C11orf65: variants seen among roughly 807,000 people sequenced by gnomAD.
C11orf65 encodes the protein protein MFI.
A neutral mutation model predicts 35.3 loss-of-function variants in C11orf65; 38 were observed. That is an observed-to-expected ratio of 1.08 (90% CI 0.83 to 1.41). The LOEUF is 1.41. C11orf65 is among the 40% of genes most tolerant of loss of function. C11orf65 has a pLI of 0.00. For missense variants in C11orf65, 370 were observed against 367.1 expected, an observed-to-expected ratio of 1.01 and a Z score of -0.06; for synonymous variants, 105 against 114.4, an observed-to-expected ratio of 0.92 and a Z score of 0.53.
At chr11:108,405,100 G>A (rs2092516007) in intron 6 of C11orf65, among the ~76,000 whole-genome samples, 2 of 152,180 alleles carry the variant, frequency 1.3e-5, no homozygotes, top group South Asian at 2.1e-4. Flanking sequence ...TTTTACTCGG[G>A]AAGTCCACAA....
chr11:108,383,291 T>G, intron 8 of C11orf65, 116 bp from the exon 9 acceptor site: 1 of 892,312 alleles, frequency 1.1e-6, no homozygotes, highest in Non-Finnish European at 1.6e-6. Context: ...AAAGCAAATA[T>G]CTTCACCTGA....
intron 2 of C11orf65, among the ~76,000 whole-genome samples, chr11:108,445,323 AC>A (rs2093235973): frequency 6.6e-6 from 1 of 152,156 alleles, no homozygotes; most frequent in Non-Finnish European, 1.5e-5. Context: ...TGGGTCCCTG[AC>A]CCCCGAGCAG....
chr11:108,384,579 G>C (rs1402777931), intron 8 of C11orf65, among the ~76,000 whole-genome samples: 1 of 152,040 alleles, frequency 6.6e-6, no homozygotes, highest in Non-Finnish European at 1.5e-5. Context: ...CACGAGTCCA[G>C]CCTGGGCAAC....
chr11:108,420,370 T>A (rs1004794204), intron 3 of C11orf65, among the ~76,000 whole-genome samples: 1 of 151,978 alleles, frequency 6.6e-6, no homozygotes, highest in East Asian at 1.9e-4. Flanking sequence ...AGAAGAAGAG[T>A]TGGAACTGCA....
intron 2 of C11orf65, among the ~76,000 whole-genome samples, chr11:108,433,989 G>A (rs1286951163): frequency 1.3e-5 from 2 of 152,232 alleles, no homozygotes; most frequent in African/African-American, 4.8e-5. Context: ...TTGGTGACAA[G>A]TGGTCTGGGG....
At chr11:108,418,137 C>T (rs190461894) in intron 3 of C11orf65, among the ~76,000 whole-genome samples, 1 of 152,136 alleles carries the variant, frequency 6.6e-6, no homozygotes, top group African/African-American at 2.4e-5. Flanking sequence ...GAAAAATAGA[C>T]AAATCTTCAG....
intron 2 of C11orf65, among the ~76,000 whole-genome samples, chr11:108,337,536 G>A (rs1417946041): frequency 6.6e-6 from 1 of 152,152 alleles, no homozygotes; most frequent in Non-Finnish European, 1.5e-5. Context: ...CAAGATTAGG[G>A]TAGAACCTGT....
intron 2 of C11orf65, among the ~76,000 whole-genome samples, chr11:108,348,566 AAAG>A (rs1484832783): frequency 5.3e-5 from 8 of 151,984 alleles, no homozygotes; most frequent in Non-Finnish European, 1.0e-4. Flanking sequence ...AATATATAAG[AAAG>A]AAGTGTGAAT....
At chr11:108,310,346 A>G in intron 6 of C11orf65, 1 of 1,590,362 alleles carries the variant, frequency 6.3e-7, no homozygotes, top group Non-Finnish European at 8.6e-7. Flanking sequence ...TGGTTTTTAA[A>G]ATTAATGTTG....
At chr11:108,376,184 T>G (rs2091719647) in intron 2 of C11orf65, among the ~76,000 whole-genome samples, 1 of 152,096 alleles carries the variant, frequency 6.6e-6, no homozygotes, top group Admixed American at 6.5e-5. Flanking sequence ...AGAATATACA[T>G]TCTTTTCAGC....
intron 7 of C11orf65, among the ~76,000 whole-genome samples, chr11:108,387,191 G>C (rs1187634180): frequency 1.1e-5 from 1 of 88,446 alleles, no homozygotes; most frequent in African/African-American, 4.5e-5. Flanking sequence ...TCTCGCTCTT[G>C]TGCCCTAGGC....
intron 2 of C11orf65, among the ~76,000 whole-genome samples, chr11:108,454,424 G>A (rs1045645940): frequency 1.3e-5 from 2 of 151,222 alleles, no homozygotes; most frequent in Non-Finnish European, 2.9e-5. Flanking sequence ...TCAGCCTTCC[G>A]AGTAGTTGGG....
chr11:108,384,804 A>C (rs2091950833), intron 8 of C11orf65, among the ~76,000 whole-genome samples: 1 of 151,270 alleles, frequency 6.6e-6, no homozygotes, highest in South Asian at 2.2e-4. Context: ...CAAACAAACA[A>C]ACAACTCCAC....
At chr11:108,434,714 G>C (rs538182477) in intron 2 of C11orf65, among the ~76,000 whole-genome samples, 1 of 152,184 alleles carries the variant, frequency 6.6e-6, no homozygotes, top group Non-Finnish European at 1.5e-5. Context: ...ATTATGGAAA[G>C]GGCAACACTT....
intron 3 of C11orf65, among the ~76,000 whole-genome samples, chr11:108,418,824 A>G (rs569585021): frequency 1.3e-5 from 2 of 152,258 alleles, no homozygotes; most frequent in East Asian, 3.9e-4. Flanking sequence ...TAACTATTAC[A>G]GATTCTAAGG....
At chr11:108,447,570 C>A (rs1454919834) in intron 2 of C11orf65, among the ~76,000 whole-genome samples, 3 of 151,948 alleles carry the variant, frequency 2.0e-5, no homozygotes, top group Non-Finnish European at 4.4e-5. Context: ...GAAATAAAGA[C>A]GTTCTTTGAA....
At chr11:108,336,024 A>T in intron 2 of C11orf65, 1 of 1,295,926 alleles carries the variant, frequency 7.7e-7, no homozygotes, top group Admixed American at 1.7e-5. Flanking sequence ...TGGTTGGGTG[A>T]AGTGGCTCAT....
At chr11:108,357,208 C>T (rs1157285799) in intron 2 of C11orf65, among the ~76,000 whole-genome samples, 1 of 152,220 alleles carries the variant, frequency 6.6e-6, no homozygotes, top group Non-Finnish European at 1.5e-5. Context: ...AATCGGGTCA[C>T]TCCCACCCGA....
intron 3 of C11orf65, among the ~76,000 whole-genome samples, chr11:108,431,190 T>C (rs1449027552): frequency 6.6e-6 from 1 of 151,304 alleles, no homozygotes; most frequent in Non-Finnish European, 1.5e-5. Context: ...AAAAAAAATG[T>C]GTACACTTAT....
Sources: gnomAD v4.1 joint callset for allele counts (sites outside exome capture counted in the v4.1 genomes callset) on GRCh38, gnomAD v4.1.1 for gene constraint, MANE v1.5 for transcripts, NCBI Gene and HGNC (gene_info 2026-07-23, HGNC 2026-07-21) for gene names.